The following BDP1 variants were observed in gnomAD, a reference collection of about 807,000 sequenced individuals.
BDP1 encodes the protein transcription factor TFIIIB component B'' homolog.
In BDP1, 169 loss-of-function variants were observed where a neutral mutation model predicts 266.6. That is an observed-to-expected ratio of 0.63 (90% CI 0.56 to 0.72). The LOEUF (loss-of-function observed/expected upper bound fraction) is 0.72. BDP1 is among the 30% of genes least tolerant of loss of function. BDP1 has a pLI of 0.00. For synonymous variants in BDP1, 1,090 were observed against 1,022.4 expected (o/e 1.07, Z -1.26); for missense variants, 3,015 against 3,053.8 (o/e 0.99, Z 0.30).
intron 6 of BDP1, among the ~76,000 whole-genome samples, chr5:71,468,025 T>C (rs990155581): frequency 6.6e-6 from 1 of 151,998 alleles, no homozygotes. Flanking sequence ...AAAAAAATTT[T>C]TTTATTTTTT....
chr5:71,455,714 G>A lies in BDP1; in HGVS notation c.-164G>A. On this transcript the variant is annotated 5_prime_UTR_variant, in exon 1 of 39. Coordinates refer to ENST00000358731, the MANE Select transcript of BDP1 (RefSeq NM_018429.3). ...GAAAAAGCGGCGGCGGCGGGAGAGA[G>A]GAGGAGGCGGCGGCGGGGCAGTGAA... is the stretch of plus-strand genomic sequence containing the variant. 3 of 629,768 alleles carry A rather than the reference G, an allele frequency of 4.8e-6. No homozygotes were observed. Among genetic ancestry groups the A allele is most frequent in the Non-Finnish European group, 8.3e-6 (3 of 362,712 alleles). The allele number at this position is 629,768 out of a possible 1,614,324, so 39.0% of individuals were successfully genotyped here.
At chr5:71,570,384 C>A (rs185038790), downstream of BDP1, among the ~76,000 whole-genome samples, 1 of 152,296 alleles carries the variant, frequency 6.6e-6, no homozygotes, top group East Asian at 1.9e-4. Flanking sequence ...TCAGAGGCTC[C>A]CATCTGCCCC....
chr5:71,517,765 T>C (rs752990041), intron 22 of BDP1, among the ~76,000 whole-genome samples: 5 of 152,180 alleles, frequency 3.3e-5, no homozygotes, highest in Non-Finnish European at 7.4e-5. Context: ...GTTCTCTGTA[T>C]CTTTTTTAGA....
intron 25 of BDP1, among the ~76,000 whole-genome samples, chr5:71,531,500 TTTTA>T (rs1213280120): frequency 1.3e-5 from 2 of 151,856 alleles, no homozygotes; most frequent in African/African-American, 4.8e-5. Context: ...ATGATAAATA[TTTTA>T]TTTATTTATT....
At chr5:71,469,652 C>A (rs1335386915) in intron 6 of BDP1, among the ~76,000 whole-genome samples, 2 of 151,848 alleles carry the variant, frequency 1.3e-5, no homozygotes, top group African/African-American at 4.8e-5. Context: ...CTCGCTCTTT[C>A]GCCCAGGCTG....
intron 35 of BDP1, among the ~76,000 whole-genome samples, chr5:71,555,639 A>G (rs987040760): frequency 6.6e-5 from 10 of 152,042 alleles, no homozygotes; most frequent in Admixed American, 2.0e-4. Flanking sequence ...GGGTTTCTCC[A>G]TGTTGGTTAG....
chr5:71,518,885 T>G (rs973288279), intron 22 of BDP1, among the ~76,000 whole-genome samples: 1 of 148,958 alleles, frequency 6.7e-6, no homozygotes, highest in African/African-American at 2.5e-5. Context: ...AGTGGCTTGA[T>G]CGTGGCTCAT....
chr5:71,489,304 C>A, intron 9 of BDP1, 100 bp from the exon 10 acceptor site: 1 of 792,564 alleles, frequency 1.3e-6, no homozygotes, highest in East Asian at 2.9e-5. Flanking sequence ...TTTGTTCATA[C>A]AAATAAATAA....
chr5:71,471,439 C>T (rs529958759), intron 7 of BDP1, among the ~76,000 whole-genome samples: 8 of 152,150 alleles, frequency 5.3e-5, no homozygotes, highest in South Asian at 2.1e-4. Flanking sequence ...CCATCATGCC[C>T]GGTTGAGGGT....
chr5:71,550,376 G>GA lies in BDP1; in HGVS notation c.6995+783dup, dbSNP rs1362798455. 1.9e-3 allele frequency among the ~76,000 whole-genome samples: 282 copies of GA among 146,042 alleles called. 3 individuals carry two copies. The highest frequency in any genetic ancestry group is 6.0e-3 in the African/African-American group (238 of 39,836). On this transcript the variant is annotated intron_variant, in intron 34 of 38. Coordinates refer to ENST00000358731, the MANE Select transcript of BDP1 (RefSeq NM_018429.3). ...ACTCTAGCCTGGGTGATAGAGTGAG[G>GA]AAAAAAAAAAAAAGATCCTCATGCC...
At chr5:71,577,892 C>T in the BDP1 span, among the ~76,000 whole-genome samples, 1 of 152,162 alleles carries the variant, frequency 6.6e-6, no homozygotes, top group Non-Finnish European at 1.5e-5. Flanking sequence ...TACATTCTTT[C>T]ACTTAATACA....
intron 20 of BDP1, 150 bp downstream of exon 20, chr5:71,515,272 T>G: frequency 1.6e-6 from 1 of 640,662 alleles, no homozygotes; most frequent in Non-Finnish European, 2.6e-6. Context: ...GCCTAAAATA[T>G]AATATCAGAT....
intron 15 of BDP1, among the ~76,000 whole-genome samples, chr5:71,503,055 ACT>A (rs1025702787): frequency 2.2e-5 from 3 of 138,872 alleles, no homozygotes; most frequent in African/African-American, 2.7e-5. Context: ...ACAGAGCAAG[ACT>A]CTGTCTCAAA....
chr5:71,548,967 C>T (rs958209649), intron 33 of BDP1, among the ~76,000 whole-genome samples: 5 of 152,112 alleles, frequency 3.3e-5, no homozygotes, highest in African/African-American at 1.2e-4. Context: ...TATGAAATTA[C>T]TTCTTGGGCC....
chr5:71,540,890 A>G (rs529821352), intron 28 of BDP1, among the ~76,000 whole-genome samples: 1 of 152,060 alleles, frequency 6.6e-6, no homozygotes, highest in African/African-American at 2.4e-5. Flanking sequence ...GTGAGCTGAG[A>G]TCGCACCACT....
In BDP1 at chr5:71,512,311, T is replaced by G. The variant is rs780363303; in HGVS notation, c.4130T>G (p.Val1377Gly). 6 of 1,599,796 alleles carry G rather than the reference T, an allele frequency of 3.8e-6. No homozygotes were observed. Among genetic ancestry groups the G allele is most frequent in the East Asian group, 4.5e-5 (2 of 44,606 alleles). The change falls in exon 18 of 39, where the codon GTA (valine) becomes GGA (glycine). Residue 1377 changes from valine to glycine, a missense_variant. Val to Gly is a moderately radical substitution (Grantham distance 109). Coordinates refer to ENST00000358731, the MANE Select transcript of BDP1 (RefSeq NM_018429.3). ...VEEKRNSEKE[V>G]SSHFSHFKIS... ...GAAAAAAGAAATTCTGAAAAAGAAG[T>G]ATCAAGTCACTTCAGTCATTTCAAG...
intron 16 of BDP1, 133 bp from the exon 17 acceptor site, chr5:71,509,332 C>A: frequency 1.1e-6 from 1 of 949,070 alleles, no homozygotes; most frequent in South Asian, 2.8e-5. Flanking sequence ...TTTTACCCAG[C>A]GATTCCTAGG....
At chr5:71,546,928 C>T (rs1015499130) in intron 32 of BDP1, among the ~76,000 whole-genome samples, 1 of 152,114 alleles carries the variant, frequency 6.6e-6, no homozygotes, top group African/African-American at 2.4e-5. Flanking sequence ...TCACTGCAAC[C>T]TCTGCCTCCC....
In BDP1 at chr5:71,532,453, G is replaced by T. The variant is rs528775200; in HGVS notation, c.5892+26G>T. On this transcript the variant is annotated intron_variant, in intron 26 of 38. Coordinates refer to ENST00000358731, the MANE Select transcript of BDP1 (RefSeq NM_018429.3). The stretch of plus-strand genomic sequence containing the variant: ...GTAAGCATCCATTTTAATATGTTTT[G>T]GCCTTTTATTCTTTGTTTACTTTGA... 1.9e-6 allele frequency: 3 copies of T among 1,605,188 alleles called. No individual in the cohort carries two copies. The South Asian group carries it at 3.4e-5, about 18-fold the overall frequency.
Sources: gnomAD v4.1 joint callset for allele counts (sites outside exome capture counted in the v4.1 genomes callset) on GRCh38, gnomAD v4.1.1 for gene constraint, MANE v1.5 for transcripts, NCBI Gene and HGNC (gene_info 2026-07-23, HGNC 2026-07-21) for gene names.